WRAP73: variants seen among roughly 807,000 people sequenced by gnomAD.
WRAP73 encodes WD repeat containing, antisense to TP73.
Under a neutral mutation model 59.6 loss-of-function variants are expected in WRAP73, and 55 were observed. That is an observed-to-expected ratio of 0.92 (90% CI 0.74 to 1.15). WRAP73 has a LOEUF of 1.15. Ranked by LOEUF, WRAP73 falls within the 50% of genes most tolerant of loss-of-function variation. The pLI is 0.00. For synonymous variants in WRAP73, 265 were observed against 258.2 expected, an observed-to-expected ratio of 1.03 and a Z score of -0.25; for missense variants, 592 against 608.1, an observed-to-expected ratio of 0.97 and a Z score of 0.28.
chr1:3,644,618 T>G (rs908711782), intron 3 of WRAP73, among the ~76,000 whole-genome samples: 5 of 152,228 alleles, frequency 3.3e-5, no homozygotes, highest in African/African-American at 1.2e-4. Context: ...GCCTTGAGGT[T>G]ACCGGTCCTC....
At chr1:3,645,829 T>C (rs1164846836) in intron 3 of WRAP73, among the ~76,000 whole-genome samples, 5 of 152,168 alleles carry the variant, frequency 3.3e-5, no homozygotes, top group Non-Finnish European at 5.9e-5. Flanking sequence ...ACGGAGGCTG[T>C]TGTGCGGTAC....
rs747025889 is a variant in WRAP73 at position 3,646,762 on chromosome 1, G to A, written c.243C>T (p.Pro81=). 3.7e-5 allele frequency: 59 copies of A among 1,612,330 alleles called. No homozygotes were observed. Among genetic ancestry groups the A allele is most frequent in the Non-Finnish European group, 4.7e-5 (55 of 1,179,228 alleles). The change falls in exon 3 of 12, where the codon CCC becomes CCT. Residue 81 remains proline, a synonymous_variant. Coordinates refer to ENST00000270708, the MANE Select transcript of WRAP73 (RefSeq NM_017818.4). The surrounding 1 kb of genome is among the most constrained non-coding windows in gnomAD (Gnocchi z 5.1). ...CCTCGTCTATTTTGCAGTGCCATTC[G>A]GGCTGCTCTAAAGACCAGACCTGGA... ...GLVQVWSLEQ[P]EWHCKIDEGS...
rs373263254 is a variant in WRAP73, at chr1:3,644,930, G to A, written c.339+1736C>T. ...TCTCAAGGGCAGATTTGGGCCCAAA[G>A]CATTACAGGCCTGAAGACTGTTAGA... On this transcript the variant is annotated intron_variant, in intron 3 of 11. Coordinates refer to ENST00000270708, the MANE Select transcript of WRAP73 (RefSeq NM_017818.4). 3.8e-4 allele frequency among the ~76,000 whole-genome samples: 58 copies of A among 152,264 alleles called. 1 individual carries two copies. The highest frequency in any genetic ancestry group is 1.3e-3 in the African/African-American group (55 of 41,540).
chr1:3,637,917 A>G (rs1039470157), intron 4 of WRAP73, among the ~76,000 whole-genome samples: 2 of 152,234 alleles, frequency 1.3e-5, no homozygotes, highest in African/African-American at 4.8e-5. Flanking sequence ...GTATTAGCTT[A>G]AAAAGCCCTA....
In WRAP73 at chr1:3,632,403, G is replaced by A; in HGVS notation, c.923-65C>T. Reference sequence around the variant, plus strand: ...TCGGGAAGTACGCACGCGGCTGAGAGGCTGCTGTGCCTGCATCGGGCATCG... The same window carrying A: ...TCGGGAAGTACGCACGCGGCTGAGAAGCTGCTGTGCCTGCATCGGGCATCG... On this transcript the variant is annotated intron_variant, in intron 9 of 11. Transcript: ENST00000270708. 3.1e-6 allele frequency: 5 copies of A among 1,611,874 alleles called. No homozygotes were observed. The South Asian group carries it at 3.3e-5, about 11-fold the overall frequency.
chr1:3,643,509 T>C lies in WRAP73; in HGVS notation c.339+3157A>G, dbSNP rs562600482. On this transcript the variant is annotated intron_variant, in intron 3 of 11. Transcript: ENST00000270708. ...ATGCAAGAGGCAGGGACGTCTCCCA[T>C]GCTCCACAGCACCCTCACGTGGGGT... 8.5e-5 allele frequency among the ~76,000 whole-genome samples: 13 copies of C among 152,340 alleles called. No individual in the cohort carries two copies. In the East Asian group the frequency reaches 2.5e-3, roughly 29 times the overall value.
intron 3 of WRAP73, among the ~76,000 whole-genome samples, chr1:3,644,936 C>T (rs1644675457): frequency 6.6e-6 from 1 of 152,224 alleles, no homozygotes; most frequent in Non-Finnish European, 1.5e-5. Context: ...CAAAGCATTA[C>T]AGGCCTGAAG....
At chr1:3,631,204 CA>C (rs1301768652) in intron 11 of WRAP73, 87 bp from the exon 12 acceptor site, 1 of 1,581,974 alleles carries the variant, frequency 6.3e-7, no homozygotes, top group Non-Finnish European at 8.6e-7. Context: ...CAGGCCAGCA[CA>C]GTGCCTGGAG....
intron 3 of WRAP73, among the ~76,000 whole-genome samples, chr1:3,643,555 C>T (rs2101968352): frequency 7.1e-6 from 1 of 140,428 alleles, no homozygotes; most frequent in African/African-American, 2.4e-5. Flanking sequence ...CAAGTGGACT[C>T]AGCGGCCCCA....
intron 11 of WRAP73, 36 bp from the exon 12 acceptor site, chr1:3,631,153 G>C: frequency 1.2e-6 from 2 of 1,611,690 alleles, no homozygotes; most frequent in South Asian, 1.1e-5. Flanking sequence ...ATTACAGCAG[G>C]GGAGGCCCAG....
intron 8 of WRAP73, chr1:3,634,640 G>T: frequency 3.2e-6 from 1 of 314,874 alleles, no homozygotes; most frequent in Non-Finnish European, 6.2e-6. Context: ...GCGGCCCAGA[G>T]CACAGTGCCT....
At position 3,650,073 on chromosome 1, in the gene WRAP73, C is replaced by A. The variant is rs1227501250; in HGVS notation, c.-74G>T. The A allele has an allele frequency of 6.9e-7, 1 of 1,439,912 alleles. No individual in the cohort carries two copies. Among genetic ancestry groups the A allele is most frequent in the East Asian group, 2.7e-5 (1 of 36,484 alleles). The allele number at this position is 1,439,912 out of a possible 1,614,324, so 89.2% of individuals were successfully genotyped here. A position where few individuals can be genotyped will look rare whatever the true frequency, so the allele number is the denominator to read the frequency against. On this transcript the variant is annotated 5_prime_UTR_variant, in exon 1 of 12. Transcript: ENST00000270708. ...CCCCTGGGCGCGCAGCAGGCTGCAA[C>A]AGCCGACGCCGGCCTCCGAGGCCGG...
In WRAP73 at chr1:3,635,191, T is replaced by C. The variant is rs1644578118; in HGVS notation, c.707A>G (p.Gln236Arg). 6.2e-7 allele frequency: 1 copy of C among 1,614,124 alleles called. No homozygotes were observed. Residue 236 changes from glutamine to arginine, a missense_variant, in exon 7 of 12, where the codon CAG (glutamine) becomes CGG (arginine). Coordinates refer to ENST00000270708, the MANE Select transcript of WRAP73 (RefSeq NM_017818.4). ...ATCATAGCTCCCAACTGCCAGGAAC[T>C]GACTGCTGGGGCTCCAGGCCACAGA... The part of the protein sequence containing the change: ...IKSVAWSPSS[Q>R]FLAVGSYDGK...
intron 1 of WRAP73, among the ~76,000 whole-genome samples, chr1:3,648,930 A>G (rs1159845841): frequency 6.6e-6 from 1 of 152,234 alleles, no homozygotes; most frequent in African/African-American, 2.4e-5. Flanking sequence ...CTGAAGAGGT[A>G]AAAAACGTAA....
In WRAP73 at chr1:3,646,237, A is replaced by T. The variant is rs1644690237; in HGVS notation, c.339+429T>A. Among the ~76,000 whole-genome samples, 1 of 152,202 alleles carries T rather than the reference A, an allele frequency of 6.6e-6. No homozygotes were observed. Among genetic ancestry groups the T allele is most frequent in the South Asian group, 2.1e-4 (1 of 4,834 alleles). On this transcript the variant is annotated intron_variant, in intron 3 of 11. Coordinates refer to ENST00000270708, the MANE Select transcript of WRAP73 (RefSeq NM_017818.4). This position sits in a 1 kb window ranked among gnomAD's most constrained non-coding sequence, Gnocchi z 5.1. Reference sequence around the variant, plus strand: ...CCAAAGCACGGGCGGTGGGGCTCGCAATCTGGATACGCCAAAGAGAAGCCA... The same window carrying T: ...CCAAAGCACGGGCGGTGGGGCTCGCTATCTGGATACGCCAAAGAGAAGCCA...
chr1:3,647,389 G>A lies in WRAP73; in HGVS notation c.222+19C>T, dbSNP rs1264588619. ...CCCTCAGAAGGTGTCCAGATTCTAA[G>A]CGACACGGCAGCACACACCTGCACC... On this transcript the variant is annotated intron_variant, in intron 2 of 11. Coordinates refer to ENST00000270708, the MANE Select transcript of WRAP73 (RefSeq NM_017818.4). The A allele has an allele frequency of 3.1e-6, 5 of 1,599,378 alleles. No individual in the cohort carries two copies. The highest frequency in any genetic ancestry group is 2.3e-5 in the East Asian group (1 of 44,086).
Position 3,647,510 on chromosome 1 carries a change from C to A in WRAP73, c.120G>T (p.Gln40His), listed in dbSNP as rs373585828. Reference sequence around the variant, plus strand: ...CTAGGCACGTGTACAGCTGAAGGATCTGAAGGGTGTTCACATCCCGGACCA... The same window carrying A: ...CTAGGCACGTGTACAGCTGAAGGATATGAAGGGTGTTCACATCCCGGACCA... Reference protein sequence around the residue: ...RLVVRDVNTLQILQLYTCLDQ... With the variant: ...RLVVRDVNTLHILQLYTCLDQ... Residue 40 changes from glutamine (Q) to histidine (H), a missense_variant, in exon 2 of 12, where the codon CAG becomes CAT. Physicochemically the swap from Gln to His is conservative, Grantham distance 24. Transcript: ENST00000270708. 5.8e-5 allele frequency: 94 copies of A among 1,613,832 alleles called. No individual in the cohort carries two copies. Among genetic ancestry groups the A allele is most frequent in the Non-Finnish European group, 7.6e-5 (90 of 1,179,942 alleles).
intron 3 of WRAP73, among the ~76,000 whole-genome samples, chr1:3,640,517 GC>G (rs1644631173): frequency 3.2e-5 from 1 of 30,852 alleles, no homozygotes; most frequent in Non-Finnish European, 7.0e-5. Flanking sequence ...AGGGCGGGGT[GC>G]AGCGCCCGAG....
intron 3 of WRAP73, among the ~76,000 whole-genome samples, chr1:3,640,673 C>G (rs963351396): frequency 6.7e-6 from 1 of 149,490 alleles, no homozygotes. Context: ...GTGGAGCGCC[C>G]GAGCATCTCA....
Sources: allele counts gnomAD v4.1 joint callset (sites outside exome capture counted in the v4.1 genomes callset), GRCh38; gene constraint gnomAD v4.1.1; non-coding constraint Gnocchi (gnomAD v3.1); transcripts MANE v1.5; gene names NCBI Gene and HGNC (gene_info 2026-07-23, HGNC 2026-07-21).